The following CHP1 variants were observed in gnomAD, a reference collection of about 807,000 sequenced individuals.
CHP1 encodes the protein calcineurin B homologous protein 1.
In CHP1, 11 loss-of-function variants were observed where a neutral mutation model predicts 27.4. That is an observed-to-expected ratio of 0.40 (90% CI 0.25 to 0.67). CHP1 has a LOEUF of 0.67. Among genes scored for constraint, CHP1 ranks in the 30% least tolerant of loss-of-function variants. The pLI is 0.38. For synonymous variants in CHP1, 89 were observed against 87.4 expected (o/e 1.02, Z -0.10); for missense variants, 169 against 251.3 (o/e 0.67, Z 2.22).
At position 41,281,299 on chromosome 15, in the gene CHP1, C is replaced by T. The variant is rs1323161327; in HGVS notation, c.*1910C>T. On this transcript the variant is annotated 3_prime_UTR_variant, in exon 7 of 7. Coordinates refer to ENST00000334660, the MANE Select transcript of CHP1 (RefSeq NM_007236.5). The stretch of plus-strand genomic sequence containing the variant: ...GCTCCCTGGCTTCTTGTTTAGACCA[C>T]TGCTAATCCCTTAAAAACAAGAGGT... 1 of 152,580 alleles carries T rather than the reference C, an allele frequency of 6.6e-6. No homozygotes were observed. Among genetic ancestry groups the T allele is most frequent in the Non-Finnish European group, 1.5e-5 (1 of 68,046 alleles). 9.5% of individuals were successfully genotyped at this position (152,580 alleles called of 1,614,324 possible).
chr15:41,261,536 C>G (rs185644968), intron 3 of CHP1, among the ~76,000 whole-genome samples: 6 of 152,186 alleles, frequency 3.9e-5, no homozygotes, highest in Admixed American at 3.3e-4. Flanking sequence ...CTTTTTTCCA[C>G]ATTTTCAAAT....
At chr15:41,270,412 A>T (rs2140941427) in intron 4 of CHP1, 145 bp from the exon 5 acceptor site, 1 of 626,560 alleles carries the variant, frequency 1.6e-6, no homozygotes, top group South Asian at 2.0e-5. Context: ...ACAACTTTTT[A>T]AAAGCCCTAC....
At chr15:41,253,883 C>A (rs2047384546) in intron 2 of CHP1, among the ~76,000 whole-genome samples, 1 of 152,128 alleles carries the variant, frequency 6.6e-6, no homozygotes, top group Non-Finnish European at 1.5e-5. Context: ...CTTCTAGGCT[C>A]AAACAATCCT....
intron 2 of CHP1, chr15:41,256,668 G>T: frequency 1.9e-6 from 1 of 517,028 alleles, no homozygotes; most frequent in Non-Finnish European, 3.5e-6. Context: ...GACGTAACCT[G>T]TGTGCTAAAT....
At position 41,279,524 on chromosome 15, in the gene CHP1, A is replaced by C; in HGVS notation, c.*135A>C. The C allele has an allele frequency of 1.4e-6, 1 of 696,888 alleles. No individual in the cohort carries two copies. The highest frequency in any genetic ancestry group is 2.5e-6 in the Non-Finnish European group (1 of 395,740). The allele number at this position is 696,888 out of a possible 1,614,324, so 43.2% of individuals were successfully genotyped here. ...CTGCTGTTGCATGACAACCCCAAAT[A>C]TGTTCTGTCAACACAAACCTGCCTT... On this transcript the variant is annotated 3_prime_UTR_variant, in exon 7 of 7. Transcript: ENST00000334660.
chr15:41,241,407 T>G (rs981189760), intron 1 of CHP1, among the ~76,000 whole-genome samples: 1 of 152,250 alleles, frequency 6.6e-6, no homozygotes, highest in African/African-American at 2.4e-5. Context: ...CCTGGCACTT[T>G]GCCAAGCATT....
chr15:41,257,227 T>G (rs2047405180), intron 3 of CHP1, among the ~76,000 whole-genome samples: 1 of 152,218 alleles, frequency 6.6e-6, no homozygotes, highest in African/African-American at 2.4e-5. Flanking sequence ...ATCATTGATG[T>G]AAAACTAGAC....
intron 2 of CHP1, among the ~76,000 whole-genome samples, chr15:41,248,844 G>A (rs1218731218): frequency 3.9e-5 from 6 of 152,308 alleles, no homozygotes; most frequent in Non-Finnish European, 8.8e-5. Context: ...CATAGTAAAC[G>A]AGTAATATAT....
chr15:41,242,589 A>G (rs1411224868), intron 1 of CHP1, among the ~76,000 whole-genome samples: 1 of 152,116 alleles, frequency 6.6e-6, no homozygotes, highest in African/African-American at 2.4e-5. Flanking sequence ...ACTGCACTCC[A>G]GCCTGGGCGA....
chr15:41,278,989 G>A lies in CHP1; in HGVS notation c.534+100G>A, dbSNP rs1278070159. On this transcript the variant is annotated intron_variant, in intron 6 of 6. Coordinates refer to ENST00000334660, the MANE Select transcript of CHP1 (RefSeq NM_007236.5). ...GCACTTTAGGAGGCCAAGGTGGGCG[G>A]ATCACGAGGTCAGGAGTTCAAGACC... 1.2e-5 allele frequency: 17 copies of A among 1,427,066 alleles called. No homozygotes were observed. The Admixed American group carries it at 1.6e-4, about 13-fold the overall frequency. The allele number at this position is 1,427,066 out of a possible 1,614,324, so 88.4% of individuals were successfully genotyped here.
intron 1 of CHP1, among the ~76,000 whole-genome samples, chr15:41,237,623 T>C (rs1224487086): frequency 6.6e-6 from 1 of 152,248 alleles, no homozygotes; most frequent in Non-Finnish European, 1.5e-5. Flanking sequence ...GCTTCAACTT[T>C]CCTTTATCTA....
chr15:41,265,922 G>T (rs2047457902), intron 4 of CHP1, among the ~76,000 whole-genome samples: 1 of 152,120 alleles, frequency 6.6e-6, no homozygotes, highest in South Asian at 2.1e-4. Flanking sequence ...GTGCCACTCT[G>T]CTCTTCTGTT....
intron 4 of CHP1, chr15:41,264,197 G>C: frequency 1.6e-6 from 2 of 1,285,632 alleles, no homozygotes; most frequent in South Asian, 1.2e-5. Context: ...GAGAGAGATC[G>C]AGACTGAAAT....
chr15:41,238,848 T>A (rs2047291614), intron 1 of CHP1, among the ~76,000 whole-genome samples: 1 of 152,032 alleles, frequency 6.6e-6, no homozygotes, highest in African/African-American at 2.4e-5. Flanking sequence ...CAAGCCTCCA[T>A]CTCAAAAAAA....
intron 3 of CHP1, among the ~76,000 whole-genome samples, chr15:41,262,385 G>A (rs1215299290): frequency 6.6e-6 from 1 of 152,090 alleles, no homozygotes; most frequent in Non-Finnish European, 1.5e-5. Context: ...GCTGCCTGTG[G>A]CTCGCTGCAG....
In CHP1 at chr15:41,231,391, T is replaced by G; in HGVS notation, c.9T>G (p.Ser3=). Residue 3 remains serine (S), a synonymous_variant, in exon 1 of 7, where the codon TCT becomes TCG. Coordinates refer to ENST00000334660, the MANE Select transcript of CHP1 (RefSeq NM_007236.5). ...GAGCTCCCGGCACGGCGATGGGTTC[T>G]CGGGCCTCCACGTTACTGCGGGACG... The part of the protein sequence containing the change: MG[S]RASTLLRDEE... The G allele has an allele frequency of 1.9e-6, 3 of 1,601,484 alleles. No individual in the cohort carries two copies. Among genetic ancestry groups the G allele is most frequent in the Non-Finnish European group, 1.7e-6 (2 of 1,175,304 alleles).
At chr15:41,253,543 C>A (rs532250545) in intron 2 of CHP1, among the ~76,000 whole-genome samples, 11 of 151,762 alleles carry the variant, frequency 7.2e-5, no homozygotes, top group African/African-American at 2.7e-4. Context: ...CAACCTCCAC[C>A]TCCCAGGTTC....
At chr15:41,268,123 T>C (rs1333515837) in intron 4 of CHP1, among the ~76,000 whole-genome samples, 3 of 152,102 alleles carry the variant, frequency 2.0e-5, no homozygotes, top group Non-Finnish European at 2.9e-5. Flanking sequence ...AGAGACAGAC[T>C]ATAGAGAAGA....
In CHP1 at chr15:41,238,182, G is replaced by T. The variant is rs187795349; in HGVS notation, c.68-5485G>T. The stretch of plus-strand genomic sequence containing the variant: ...TGGCGTGTGTTTTTTTTTTGAGACA[G>T]GGTCTCACTCTGTCACCCAGGTTGG... On this transcript the variant is annotated intron_variant, in intron 1 of 6. Transcript: ENST00000334660. 5.3e-5 allele frequency among the ~76,000 whole-genome samples: 8 copies of T among 151,562 alleles called. No homozygotes were observed. In the East Asian group the frequency reaches 1.4e-3, roughly 26 times the overall value.
Sources: gnomAD v4.1 joint callset for allele counts (sites outside exome capture counted in the v4.1 genomes callset) on GRCh38, gnomAD v4.1.1 for gene constraint, MANE v1.5 for transcripts, NCBI Gene and HGNC (gene_info 2026-07-23, HGNC 2026-07-21) for gene names.